AK4: variants seen among roughly 807,000 people sequenced by gnomAD.
The protein encoded by AK4 is adenylate kinase 4, also known as adenylate kinase 4, mitochondrial.
Under a neutral mutation model 24.6 loss-of-function variants are expected in AK4, and 13 were observed. The observed-to-expected ratio is 0.53, with a 90% CI of 0.34 to 0.84. The LOEUF (loss-of-function observed/expected upper bound fraction) is 0.84. AK4 is among the 40% of genes least tolerant of loss of function. The pLI is 0.01. For missense variants in AK4, 192 were observed against 288.2 expected, an observed-to-expected ratio of 0.67 and a Z score of 2.42; for synonymous variants, 88 against 107.0, an observed-to-expected ratio of 0.82 and a Z score of 1.10.
At chr1:65,216,197 A>G (rs963637738) in intron 2 of AK4, among the ~76,000 whole-genome samples, 31 of 151,946 alleles carry the variant, frequency 2.0e-4, no homozygotes, top group Non-Finnish European at 2.4e-4. Flanking sequence ...CAGTGGTACA[A>G]TCTCAGCTCA....
In AK4 at chr1:65,156,531, T is replaced by A. The variant is rs1297461571; in HGVS notation, c.145+7979T>A. Among the ~76,000 whole-genome samples the A allele has an allele frequency of 2.0e-5, 3 of 152,244 alleles. No individual in the cohort carries two copies. In the East Asian group the frequency reaches 5.8e-4, roughly 29 times the overall value. ...TTTATTTAGCCTTTCTCTTACATTT[T>A]GGCCTCAGGTCCTTTTTAACACGTT... On this transcript the variant is annotated intron_variant, in intron 1 of 4. Transcript: ENST00000327299.
chr1:65,181,879 A>G (rs375867199), intron 1 of AK4, among the ~76,000 whole-genome samples: 3 of 152,040 alleles, frequency 2.0e-5, no homozygotes, highest in Admixed American at 2.0e-4. Context: ...ACTTAGGGAA[A>G]TGTGCCACAG....
intron 2 of AK4, among the ~76,000 whole-genome samples, chr1:65,214,908 G>A (rs1341358735): frequency 6.6e-6 from 1 of 152,172 alleles, no homozygotes; most frequent in Non-Finnish European, 1.5e-5. Flanking sequence ...TGAGATAGAG[G>A]CGACTTGTTC....
chr1:65,190,999 T>A (rs1651288080), intron 2 of AK4, among the ~76,000 whole-genome samples, 170 bp downstream of exon 2: 1 of 152,250 alleles, frequency 6.6e-6, no homozygotes, highest in East Asian at 1.9e-4. Context: ...TGAAGCCTCT[T>A]ATTTCTTCTG....
At chr1:65,174,120 C>T (rs557661644) in intron 1 of AK4, among the ~76,000 whole-genome samples, 30 of 152,252 alleles carry the variant, frequency 2.0e-4, no homozygotes, top group South Asian at 1.9e-3. Context: ...CCTCCAATAC[C>T]AGAAGGATTT....
At chr1:65,186,591 A>G (rs1001350863) in intron 1 of AK4, among the ~76,000 whole-genome samples, 6 of 152,234 alleles carry the variant, frequency 3.9e-5, no homozygotes, top group African/African-American at 1.4e-4. Flanking sequence ...ATATAATTAG[A>G]TCTGGAGTTC....
intron 2 of AK4, among the ~76,000 whole-genome samples, chr1:65,193,027 G>GC (rs1177623244): frequency 1.3e-5 from 2 of 152,162 alleles, no homozygotes; most frequent in Non-Finnish European, 2.9e-5. Flanking sequence ...GTTGACAGTG[G>GC]CCCACTCCCA....
intron 2 of AK4, among the ~76,000 whole-genome samples, chr1:65,202,614 A>G (rs1651695327): frequency 6.6e-6 from 1 of 152,108 alleles, no homozygotes. Flanking sequence ...TGTTAGGAGA[A>G]CCTGCTTCCC....
intron 1 of AK4, among the ~76,000 whole-genome samples, chr1:65,152,354 CTCTCTCTATATATATA>C (rs1327968334): frequency 7.9e-5 from 3 of 38,006 alleles, no homozygotes; most frequent in East Asian, 9.5e-4. Flanking sequence ...CTCTCTCTCT[CTCTCTCTATATATATA>C]TATATATATA....
At chr1:65,180,552 A>G (rs1254561083) in intron 1 of AK4, among the ~76,000 whole-genome samples, 1 of 152,196 alleles carries the variant, frequency 6.6e-6, no homozygotes, top group African/African-American at 2.4e-5. Context: ...AAGGACTTTG[A>G]CATCTATTTT....
chr1:65,204,355 G>A (rs1411049252), intron 2 of AK4, among the ~76,000 whole-genome samples: 2 of 151,880 alleles, frequency 1.3e-5, no homozygotes, highest in African/African-American at 2.4e-5. Context: ...ACGCACCACC[G>A]TGACTGGCTA....
chr1:65,148,691 A>G (rs901339733), intron 1 of AK4, 139 bp downstream of exon 1: 5 of 1,284,310 alleles, frequency 3.9e-6, no homozygotes, highest in Non-Finnish European at 5.0e-6. Context: ...GCCGGGGCGC[A>G]TGCAGCTGGC....
intron 3 of AK4, among the ~76,000 whole-genome samples, chr1:65,224,346 T>C (rs957000465): frequency 6.6e-6 from 1 of 152,176 alleles, no homozygotes; most frequent in East Asian, 1.9e-4. Context: ...CCAAGTTGTT[T>C]TTTTGAGATT....
intron 2 of AK4, among the ~76,000 whole-genome samples, chr1:65,194,687 CA>C (rs1281559189): frequency 6.6e-6 from 1 of 152,198 alleles, no homozygotes; most frequent in Non-Finnish European, 1.5e-5. Flanking sequence ...GTCTTGAACT[CA>C]TGACCTCAGA....
chr1:65,206,757 T>A (rs1444259719), intron 2 of AK4, among the ~76,000 whole-genome samples: 2 of 152,166 alleles, frequency 1.3e-5, no homozygotes. Context: ...CCTTCCTGGG[T>A]GACAGCGAGA....
chr1:65,169,175 C>CAAA (rs577188503), intron 1 of AK4, among the ~76,000 whole-genome samples: 11 of 64,774 alleles, frequency 1.7e-4, no homozygotes, highest in Admixed American at 5.8e-4. Context: ...GACGCTGTCT[C>CAAA]AAAAAAAAAA....
intron 2 of AK4, among the ~76,000 whole-genome samples, chr1:65,213,631 C>G (rs1349606753): frequency 6.6e-6 from 1 of 152,232 alleles, no homozygotes; most frequent in East Asian, 1.9e-4. Context: ...AGCACACTCT[C>G]CATGTGCCCA....
intron 1 of AK4, chr1:65,154,630 A>G: frequency 2.1e-6 from 1 of 482,604 alleles, no homozygotes; most frequent in Non-Finnish European, 4.2e-6. Flanking sequence ...GAACGATATC[A>G]GTTTTATTAA....
At chr1:65,176,628 TACCCTTC>T (rs2101018879) in intron 1 of AK4, among the ~76,000 whole-genome samples, 1 of 152,278 alleles carries the variant, frequency 6.6e-6, no homozygotes, top group African/African-American at 2.4e-5. Flanking sequence ...GCTAGTCCTC[TACCCTTC>T]ACACAAGCCT....
Sources: allele counts gnomAD v4.1 joint callset (sites outside exome capture counted in the v4.1 genomes callset), GRCh38; gene constraint gnomAD v4.1.1; transcripts MANE v1.5; gene names NCBI Gene and HGNC (gene_info 2026-07-23, HGNC 2026-07-21).